Variants in MYO5A observed in about 807,000 individuals in gnomAD.
MYO5A encodes the protein unconventional myosin-Va.
In MYO5A, 98 loss-of-function variants were observed where a neutral mutation model predicts 249.7. That is an observed-to-expected ratio of 0.39 (90% CI 0.33 to 0.46). The LOEUF (loss-of-function observed/expected upper bound fraction) is 0.46. Ranked by LOEUF, MYO5A falls within the 20% of genes least tolerant of loss-of-function variation. The probability of loss-of-function intolerance (pLI) is 0.98; values close to 1 mark genes in which losing one functional copy is unlikely to be tolerated. For synonymous variants in MYO5A, 778 were observed against 810.6 expected (o/e 0.96, Z 0.68); for missense variants, 1,696 against 2,308.8 (o/e 0.73, Z 5.44).
At chr15:52,399,579 C>CT (rs901233857) in intron 9 of MYO5A, among the ~76,000 whole-genome samples, 18 of 151,662 alleles carry the variant, frequency 1.2e-4, no homozygotes, top group African/African-American at 3.1e-4. Flanking sequence ...CTTTTCTAAA[C>CT]TTTTTTTTTC....
intron 28 of MYO5A, among the ~76,000 whole-genome samples, chr15:52,349,913 T>TTTATGATTATGATTATGA (rs3842662): frequency 8.5e-4 from 128 of 151,360 alleles, no homozygotes; most frequent in African/African-American, 3.1e-3. Flanking sequence ...GCTTAAGGGG[T>TTTATGATTATGATTATGA]TTATGATTAT....
chr15:52,428,591 C>T (rs1289437734), intron 2 of MYO5A, 22 bp from the exon 3 acceptor site: 2 of 1,613,284 alleles, frequency 1.2e-6, no homozygotes, highest in Admixed American at 3.3e-5. Flanking sequence ...CAAGGCACAG[C>T]ATCTGGATGA....
chr15:52,493,978 C>T (rs938867022), intron 1 of MYO5A, among the ~76,000 whole-genome samples: 1 of 152,104 alleles, frequency 6.6e-6, no homozygotes, highest in African/African-American at 2.4e-5. Flanking sequence ...CAACTAAAAG[C>T]CCAAGAGCAA....
chr15:52,470,676 T>C (rs756162537), intron 1 of MYO5A, among the ~76,000 whole-genome samples: 2 of 151,420 alleles, frequency 1.3e-5, no homozygotes, highest in Non-Finnish European at 2.9e-5. Flanking sequence ...CATTCCTTAC[T>C]GACAAGGTAT....
At chr15:52,370,958 T>A (rs1045625348) in intron 21 of MYO5A, among the ~76,000 whole-genome samples, 3 of 151,656 alleles carry the variant, frequency 2.0e-5, no homozygotes, top group Admixed American at 1.3e-4. Flanking sequence ...CAAAAAAATT[T>A]AAAAATTAGC....
chr15:52,376,207 T>C (rs2041403695), intron 19 of MYO5A, 140 bp downstream of exon 19: 3 of 733,104 alleles, frequency 4.1e-6, no homozygotes, highest in Admixed American at 4.5e-5. Context: ...TCTATTTAGC[T>C]GTCCTATGAG....
chr15:52,433,232 C>T lies in MYO5A; in HGVS notation c.81G>A (p.Leu27=). 2 of 1,613,816 alleles carry T rather than the reference C, an allele frequency of 1.2e-6. No individual in the cohort carries two copies. Among genetic ancestry groups the T allele is most frequent in the Non-Finnish European group, 1.7e-6 (2 of 1,179,874 alleles). The part of the protein sequence containing the change: ...DPEEVWKSAE[L]LKDYKPGDKV... ...TATCTCCTGGCTTATAATCTTTGAG[C>T]AGCTCTGCTGACTTCCAGACTTCCT... Residue 27 remains leucine, a synonymous_variant, in exon 2 of 42, where the codon CTG becomes CTA. Coordinates refer to ENST00000399233, the MANE Select transcript of MYO5A (RefSeq NM_001382347.1).
chr15:52,370,997 T>C (rs79732515), intron 21 of MYO5A, among the ~76,000 whole-genome samples: 7,251 of 151,956 alleles, frequency 0.048, 242 homozygotes, highest in South Asian at 0.15. Flanking sequence ...CCTGTAGTCC[T>C]AGCTACTTGG....
rs1479398461 is a variant in MYO5A at position 52,337,999 on chromosome 15, T to C, written c.4240-115A>G. 6 of 680,236 alleles carry C rather than the reference T, an allele frequency of 8.8e-6. No homozygotes were observed. The Admixed American group carries it at 1.4e-4, about 16-fold the overall frequency. 42.1% of individuals were successfully genotyped at this position (680,236 alleles called of 1,614,324 possible). A position where few individuals can be genotyped will look rare whatever the true frequency, so the allele number is the denominator to read the frequency against. On this transcript the variant is annotated intron_variant, in intron 32 of 41. Transcript: ENST00000399233. Reference sequence around the variant, plus strand: ...AAAATACAAATAGTGAAACTATATATACTTGAAAGGCTCTGATTTGTCACC... The same window carrying C: ...AAAATACAAATAGTGAAACTATATACACTTGAAAGGCTCTGATTTGTCACC...
Position 52,391,899 on chromosome 15 carries a change from T to C in MYO5A, c.1542+31A>G, listed in dbSNP as rs2042255030. On this transcript the variant is annotated intron_variant, in intron 12 of 41. Transcript: ENST00000399233. ...TCTGACCTTGATACATCTATTTTGATAAACCAAGTACCCCAGGAAATCATA... is the reference window on the plus strand; with the variant it reads ...TCTGACCTTGATACATCTATTTTGACAAACCAAGTACCCCAGGAAATCATA... 2.5e-6 allele frequency: 4 copies of C among 1,606,826 alleles called. No homozygotes were observed. In the East Asian group the frequency reaches 6.7e-5, roughly 27 times the overall value.
At chr15:52,322,946 A>G (rs913600080) in intron 37 of MYO5A, among the ~76,000 whole-genome samples, 6 of 151,948 alleles carry the variant, frequency 3.9e-5, no homozygotes, top group African/African-American at 1.2e-4. Context: ...TCATCATTTA[A>G]CATTAGGTAT....
chr15:52,391,782 G>T, intron 12 of MYO5A, 148 bp downstream of exon 12: 1 of 737,476 alleles, frequency 1.4e-6, no homozygotes, highest in Non-Finnish European at 2.3e-6. Context: ...TTGGGGTCTA[G>T]TGTCCCTTTG....
At chr15:52,436,279 T>G (rs952702727) in intron 1 of MYO5A, among the ~76,000 whole-genome samples, 2 of 152,234 alleles carry the variant, frequency 1.3e-5, no homozygotes, top group African/African-American at 4.8e-5. Context: ...TACAAGGGCC[T>G]TCATGACCTG....
intron 25 of MYO5A, among the ~76,000 whole-genome samples, chr15:52,355,816 T>C (rs752152780): frequency 6.6e-6 from 1 of 152,204 alleles, no homozygotes; most frequent in Admixed American, 6.5e-5. Context: ...CCTTAGATTT[T>C]GGTATTCATG....
At chr15:52,416,116 G>C (rs200558580) in intron 5 of MYO5A, 29 bp downstream of exon 5, 1 of 1,612,678 alleles carries the variant, frequency 6.2e-7, no homozygotes, top group African/African-American at 1.3e-5. Flanking sequence ...AGAGAATATA[G>C]GAAGAAAGCC....
At chr15:52,367,189 A>G in intron 22 of MYO5A, 65 bp from the exon 23 acceptor site, 4 of 1,376,026 alleles carry the variant, frequency 2.9e-6, no homozygotes, top group Non-Finnish European at 3.1e-6. Context: ...GACCAAGGAT[A>G]AAGACCATAA....
chr15:52,330,202 TG>T, intron 35 of MYO5A, 150 bp downstream of exon 35: 1 of 1,037,362 alleles, frequency 9.6e-7, no homozygotes, highest in Non-Finnish European at 1.5e-6. Context: ...GTGCTTGGTG[TG>T]GTCAGAACAC....
intron 6 of MYO5A, among the ~76,000 whole-genome samples, chr15:52,408,484 T>C (rs982819955): frequency 1.3e-5 from 2 of 152,174 alleles, no homozygotes; most frequent in African/African-American, 2.4e-5. Flanking sequence ...TATTTTCTAA[T>C]GGTACCTCTT....
intron 40 of MYO5A, among the ~76,000 whole-genome samples, chr15:52,316,255 AAAAG>A (rs1257939854): frequency 6.6e-6 from 1 of 150,632 alleles, no homozygotes; most frequent in Non-Finnish European, 1.5e-5. Flanking sequence ...AAAAAAAAAA[AAAAG>A]AAAGAAAGTC....
Sources: allele counts gnomAD v4.1 joint callset (sites outside exome capture counted in the v4.1 genomes callset), GRCh38; gene constraint gnomAD v4.1.1; transcripts MANE v1.5; gene names NCBI Gene and HGNC (gene_info 2026-07-23, HGNC 2026-07-21).